CD80: variants seen among roughly 807,000 people sequenced by gnomAD.
CD80 encodes the protein CD80 molecule.
Under a neutral mutation model 27.1 loss-of-function variants are expected in CD80, and 13 were observed. The ratio of observed to expected loss-of-function variants is 0.48; its 90% CI spans 0.31 to 0.76. CD80 has a LOEUF of 0.76. Among genes scored for constraint, CD80 ranks in the 30% least tolerant of loss-of-function variants. The pLI is 0.04. For missense variants in CD80, 277 were observed against 347.9 expected (o/e 0.80, Z 1.62); for synonymous variants, 125 against 125.5 (o/e 1.00, Z 0.03).
chr3:119,542,609 T>C (rs1414672437), intron 3 of CD80, among the ~76,000 whole-genome samples: 2 of 152,164 alleles, frequency 1.3e-5, no homozygotes, highest in Non-Finnish European at 2.9e-5. Context: ...TTTGCAAAAT[T>C]ATGACTGAGA....
chr3:119,533,536 T>G (rs1231218705), intron 4 of CD80, among the ~76,000 whole-genome samples: 2 of 152,070 alleles, frequency 1.3e-5, no homozygotes, highest in East Asian at 3.9e-4. Context: ...GGGAGGTGAC[T>G]GAATTATGGG....
chr3:119,542,021 T>C (rs750478850), intron 3 of CD80, among the ~76,000 whole-genome samples: 5 of 151,838 alleles, frequency 3.3e-5, no homozygotes, highest in Non-Finnish European at 5.9e-5. Context: ...GTACCTAATG[T>C]AATTAACTAA....
At position 119,525,629 on chromosome 3, in the gene CD80, T is replaced by C. The variant is rs2107737966; in HGVS notation, c.*159A>G. ...GTGCCCACCATATTCCTCTAGACAC[T>C]TCCTGCAAAGCAACTGAAGTGAAGA... On this transcript the variant is annotated 3_prime_UTR_variant, in exon 7 of 7. Transcript: ENST00000264246. The C allele has an allele frequency of 6.6e-6, 1 of 152,552 alleles. No homozygotes were observed. The highest frequency in any genetic ancestry group is 2.1e-4 in the South Asian group (1 of 4,830). 9.4% of individuals were successfully genotyped at this position (152,552 alleles called of 1,614,324 possible).
intron 2 of CD80, among the ~76,000 whole-genome samples, chr3:119,553,294 C>T (rs1360012352): frequency 6.6e-6 from 1 of 152,054 alleles, no homozygotes. Context: ...CACGGGCCAC[C>T]TTGTGTGGTT....
chr3:119,537,518 A>C, intron 3 of CD80, 100 bp from the exon 4 acceptor site: 1 of 858,706 alleles, frequency 1.2e-6, no homozygotes, highest in Non-Finnish European at 1.8e-6. Flanking sequence ...AGAATTGATA[A>C]AGGCCAGGTG....
intron 4 of CD80, 110 bp from the exon 5 acceptor site, chr3:119,530,047 T>G: frequency 1.4e-6 from 1 of 720,406 alleles, no homozygotes; most frequent in East Asian, 2.8e-5. Context: ...CCTGGTCAGC[T>G]CTCCAGTATG....
chr3:119,535,191 C>CAA (rs56348025), intron 4 of CD80, among the ~76,000 whole-genome samples: 9,001 of 84,924 alleles, frequency 0.11, 394 homozygotes, highest in Non-Finnish European at 0.15. Flanking sequence ...GACTCCGTCT[C>CAA]AAAAAAAAAA....
rs1201063538 is a variant in CD80, at chr3:119,544,818, A to G, written c.150T>C (p.Cys50=). ...KEVKEVATLS[C]GHNVSVEELA... ...GCTCTTCAACAGAAACATTGTGACC[A>G]CAGGACAGCGTTGCCACTTCTTTCA... Residue 50 remains cysteine (C), a synonymous_variant, in exon 3 of 7, where the codon TGT becomes TGC. Transcript: ENST00000264246. 6.2e-7 allele frequency: 1 copy of G among 1,614,076 alleles called. No homozygotes were observed. Among genetic ancestry groups the G allele is most frequent in the African/African-American group, 1.3e-5 (1 of 74,924 alleles).
intron 5 of CD80, among the ~76,000 whole-genome samples, chr3:119,529,474 A>G (rs9855093): frequency 0.46 from 69,687 of 151,534 alleles, 16,789 homozygotes; most frequent in East Asian, 0.58. Context: ...CTAGCCCTTA[A>G]AAAAAAATTA....
chr3:119,539,429 A>G (rs1436397815), intron 3 of CD80, among the ~76,000 whole-genome samples: 1 of 152,116 alleles, frequency 6.6e-6, no homozygotes, highest in Non-Finnish European at 1.5e-5. Flanking sequence ...ATTAAAAAAA[A>G]AAAAAGTAGT....
chr3:119,532,109 C>G (rs2082114620), intron 4 of CD80, among the ~76,000 whole-genome samples: 1 of 152,114 alleles, frequency 6.6e-6, no homozygotes, highest in Admixed American at 6.6e-5. Flanking sequence ...CTCTTCTTGT[C>G]CTCTAATTAT....
intron 2 of CD80, among the ~76,000 whole-genome samples, chr3:119,546,172 A>G (rs1267411935): frequency 6.6e-6 from 1 of 152,144 alleles, no homozygotes; most frequent in Non-Finnish European, 1.5e-5. Context: ...CACAGCAGGC[A>G]ATTTTTAGTC....
At chr3:119,545,189 C>T (rs771237973) in intron 2 of CD80, among the ~76,000 whole-genome samples, 10 of 151,946 alleles carry the variant, frequency 6.6e-5, no homozygotes, top group Non-Finnish European at 1.2e-4. Context: ...ACTAAAAATA[C>T]AAAAAATTAG....
intron 4 of CD80, among the ~76,000 whole-genome samples, chr3:119,531,273 C>T (rs2082108816): frequency 6.6e-6 from 1 of 152,248 alleles, no homozygotes; most frequent in Non-Finnish European, 1.5e-5. Context: ...GCAGCATATA[C>T]AGAATCCCCA....
At chr3:119,535,392 T>A (rs1238878434) in intron 4 of CD80, among the ~76,000 whole-genome samples, 1 of 152,194 alleles carries the variant, frequency 6.6e-6, no homozygotes, top group African/African-American at 2.4e-5. Flanking sequence ...GTTTTGTTTC[T>A]TACTATACAG....
chr3:119,555,270 A>G (rs2082257543), intron 2 of CD80, among the ~76,000 whole-genome samples: 1 of 152,126 alleles, frequency 6.6e-6, no homozygotes, highest in African/African-American at 2.4e-5. Flanking sequence ...TACCACCCCA[A>G]ATCTAGAGTT....
At chr3:119,545,006 G>A in intron 2 of CD80, 139 bp from the exon 3 acceptor site, 1 of 672,008 alleles carries the variant, frequency 1.5e-6, no homozygotes, top group Non-Finnish European at 2.5e-6. Context: ...GATTTTTGGG[G>A]TCCCCAATGC....
intron 2 of CD80, among the ~76,000 whole-genome samples, chr3:119,552,214 C>T (rs764243421): frequency 6.6e-5 from 10 of 152,150 alleles, no homozygotes; most frequent in Admixed American, 1.3e-4. Context: ...CTCGGCCGGG[C>T]GTGGTGGCTC....
chr3:119,533,558 C>T (rs969244618), intron 4 of CD80, among the ~76,000 whole-genome samples: 2 of 152,216 alleles, frequency 1.3e-5, no homozygotes, highest in East Asian at 3.9e-4. Context: ...GCGAGTCTTT[C>T]CTGCACTGTC....
Sources: gnomAD v4.1 joint callset for allele counts (sites outside exome capture counted in the v4.1 genomes callset) on GRCh38, gnomAD v4.1.1 for gene constraint, MANE v1.5 for transcripts, NCBI Gene and HGNC (gene_info 2026-07-23, HGNC 2026-07-21) for gene names.